The following CFAP20DC variants were observed in gnomAD, a reference collection of about 807,000 sequenced individuals.
The protein encoded by CFAP20DC is CFAP20 domain containing, also known as protein CFAP20DC.
Under a neutral mutation model 101.7 loss-of-function variants are expected in CFAP20DC, and 84 were observed. The observed-to-expected ratio is 0.83, with a 90% CI of 0.69 to 0.99. CFAP20DC has a LOEUF of 0.99. CFAP20DC is among the 50% of genes least tolerant of loss of function. CFAP20DC has a pLI of 0.00. For missense variants in CFAP20DC, 1,007 were observed against 970.3 expected (o/e 1.04, Z -0.50); for synonymous variants, 359 against 351.2 (o/e 1.02, Z -0.25).
rs1056250756 is a variant in CFAP20DC, at chr3:58,897,853, G to T, written c.551-13144C>A. Among the ~76,000 whole-genome samples the T allele has an allele frequency of 6.6e-6, 1 of 152,090 alleles. No individual in the cohort carries two copies. Among genetic ancestry groups the T allele is most frequent in the Non-Finnish European group, 1.5e-5 (1 of 68,022 alleles). Reference sequence around the variant, plus strand: ...ACCTTGGAGAATCTGACGATTATGTGCCTTGGCATTGATCGTCTCATGGAG... The same window carrying T: ...ACCTTGGAGAATCTGACGATTATGTTCCTTGGCATTGATCGTCTCATGGAG... On this transcript the variant is annotated intron_variant, in intron 6 of 16. Coordinates refer to ENST00000482387, the MANE Select transcript of CFAP20DC (RefSeq NM_001394063.1). This position sits in a 1 kb window ranked among gnomAD's most constrained non-coding sequence, Gnocchi z 4.4.
In CFAP20DC at chr3:58,748,543, C is replaced by A. The variant is rs1198328391; in HGVS notation, c.2332+5226G>T. Among the ~76,000 whole-genome samples the A allele has an allele frequency of 2.0e-5, 3 of 152,164 alleles. No individual in the cohort carries two copies. The East Asian group carries it at 5.8e-4, about 29-fold the overall frequency. On this transcript the variant is annotated intron_variant, in intron 16 of 16. Coordinates refer to ENST00000482387, the MANE Select transcript of CFAP20DC (RefSeq NM_001394063.1). ...CCTGCAGAGAAGACTCCCCCAGGACCCTGAGAGCTATGTAAGAGAAAATAT... is the reference window on the plus strand; with the variant it reads ...CCTGCAGAGAAGACTCCCCCAGGACACTGAGAGCTATGTAAGAGAAAATAT...
intron 14 of CFAP20DC, 103 bp from the exon 15 acceptor site, chr3:58,806,559 C>G (rs1404239215): frequency 2.3e-6 from 2 of 872,216 alleles, no homozygotes; most frequent in African/African-American, 3.3e-5. Flanking sequence ...CAGACACAAC[C>G]CACAAGAAGG....
At chr3:58,865,003 A>C (rs2079558329) in intron 11 of CFAP20DC, among the ~76,000 whole-genome samples, 1 of 152,144 alleles carries the variant, frequency 6.6e-6, no homozygotes, top group Non-Finnish European at 1.5e-5. Context: ...TGAAAAAGAC[A>C]GATCTTTATA....
intron 6 of CFAP20DC, among the ~76,000 whole-genome samples, chr3:58,896,510 G>A (rs2082679422): frequency 6.6e-6 from 1 of 152,050 alleles, no homozygotes; most frequent in South Asian, 2.1e-4. Context: ...GCTTTTTGAT[G>A]TGGGCATTTA....
intron 14 of CFAP20DC, among the ~76,000 whole-genome samples, chr3:58,821,488 A>G (rs1024456287): frequency 5.3e-5 from 8 of 152,122 alleles, no homozygotes; most frequent in African/African-American, 1.9e-4. Flanking sequence ...GGCAAAGGAC[A>G]TGAACAGACA....
chr3:58,766,618 A>C (rs977207733), intron 15 of CFAP20DC, among the ~76,000 whole-genome samples: 1 of 152,202 alleles, frequency 6.6e-6, no homozygotes, highest in African/African-American at 2.4e-5. Flanking sequence ...CATCATCCTC[A>C]GGAGAAAGAC....
At chr3:58,741,732 G>A (rs904995423), downstream of CFAP20DC, among the ~76,000 whole-genome samples, 1 of 152,040 alleles carries the variant, frequency 6.6e-6, no homozygotes. Flanking sequence ...TCCTGACCTC[G>A]TGATTCACCC....
chr3:58,971,985 C>A lies in CFAP20DC; in HGVS notation c.279-34223G>T, dbSNP rs1008075883. 6.6e-6 allele frequency among the ~76,000 whole-genome samples: 1 copy of A among 151,922 alleles called. No homozygotes were observed. The highest frequency in any genetic ancestry group is 1.5e-5 in the Non-Finnish European group (1 of 67,986). On this transcript the variant is annotated intron_variant, in intron 4 of 16. Transcript: ENST00000482387. This position sits in a 1 kb window ranked among gnomAD's most constrained non-coding sequence, Gnocchi z 4.1. ...ACTTTCTTATTATAGGTGTGGATTACTTTAATTCTGTATGCAATTTTAAAA... is the reference window on the plus strand; with the variant it reads ...ACTTTCTTATTATAGGTGTGGATTAATTTAATTCTGTATGCAATTTTAAAA...
intron 13 of CFAP20DC, 68 bp downstream of exon 13, chr3:58,848,963 TG>T: frequency 6.9e-7 from 1 of 1,452,152 alleles, no homozygotes; most frequent in Non-Finnish European, 9.0e-7. Context: ...GCTAAAAACA[TG>T]GGTGGAACAG....
intron 3 of CFAP20DC, among the ~76,000 whole-genome samples, chr3:58,719,606 G>A (rs913697441): frequency 2.0e-5 from 3 of 152,162 alleles, no homozygotes; most frequent in African/African-American, 7.2e-5. Context: ...GTCTCACCTG[G>A]TTGGGGCTGG....
chr3:59,046,188 A>G, intron 3 of CFAP20DC, 41 bp downstream of exon 3: 1 of 1,313,978 alleles, frequency 7.6e-7, no homozygotes, highest in Non-Finnish European at 1.1e-6. Context: ...CAGAACTTTG[A>G]GTACAAAATG....
chr3:59,017,011 G>A (rs1327174809), intron 4 of CFAP20DC, among the ~76,000 whole-genome samples: 1 of 152,068 alleles, frequency 6.6e-6, no homozygotes, highest in Non-Finnish European at 1.5e-5. Context: ...TTACAATTAT[G>A]CCCTCAGCTG....
intron 4 of CFAP20DC, among the ~76,000 whole-genome samples, chr3:58,958,525 T>G (rs1050905876): frequency 1.1e-4 from 16 of 152,184 alleles, no homozygotes; most frequent in Admixed American, 1.0e-3. Flanking sequence ...ACGTTTTCAC[T>G]GTTCATAGGT....
chr3:58,882,598 C>T lies in CFAP20DC; in HGVS notation c.715+1947G>A, dbSNP rs2081306399. 6.6e-6 allele frequency among the ~76,000 whole-genome samples: 1 copy of T among 152,048 alleles called. No homozygotes were observed. The highest frequency in any genetic ancestry group is 1.5e-5 in the Non-Finnish European group (1 of 68,010). On this transcript the variant is annotated intron_variant, in intron 7 of 16. Coordinates refer to ENST00000482387, the MANE Select transcript of CFAP20DC (RefSeq NM_001394063.1). The surrounding 1 kb of genome is among the most constrained non-coding windows in gnomAD (Gnocchi z 4.2). ...TTATTTTATTCTGTGGTACATCTTC[C>T]ATTCAGATTGAATTGTGACCCAAAG... is the stretch of plus-strand genomic sequence containing the variant.
chr3:58,928,146 T>A (rs1039551096), intron 5 of CFAP20DC, among the ~76,000 whole-genome samples: 1 of 152,188 alleles, frequency 6.6e-6, no homozygotes, highest in Non-Finnish European at 1.5e-5. Flanking sequence ...CATGCACTAA[T>A]AGGGACTGGA....
chr3:58,863,012 A>G lies in CFAP20DC; in HGVS notation c.1593+546T>C. 4.1e-6 allele frequency: 4 copies of G among 984,424 alleles called. No homozygotes were observed. Among genetic ancestry groups the G allele is most frequent in the Non-Finnish European group, 4.8e-6 (4 of 828,834 alleles). The allele number at this position is 984,424 out of a possible 1,614,324, so 61.0% of individuals were successfully genotyped here. A position where few individuals can be genotyped will look rare whatever the true frequency, so the allele number is the denominator to read the frequency against. ...ATATTCTAAATAATTGCAAACAGAA[A>G]ATCTCCTGTAAGGCAAGTCCCAGCA... On this transcript the variant is annotated intron_variant, in intron 12 of 16. Coordinates refer to ENST00000482387, the MANE Select transcript of CFAP20DC (RefSeq NM_001394063.1). This position sits in a 1 kb window ranked among gnomAD's most constrained non-coding sequence, Gnocchi z 5.9.
intron 14 of CFAP20DC, among the ~76,000 whole-genome samples, chr3:58,806,993 C>A (rs1489554833): frequency 6.6e-6 from 1 of 152,160 alleles, no homozygotes; most frequent in East Asian, 1.9e-4. Flanking sequence ...GATCAAACTG[C>A]AAGGCGGCAG....
In CFAP20DC at chr3:58,886,907, A is replaced by C. The variant is rs140569557; in HGVS notation, c.551-2198T>G. On this transcript the variant is annotated intron_variant, in intron 6 of 16. Transcript: ENST00000482387. ...GAATGTAGTGGGAAATTTTGTGTGT[A>C]TATATGTGACTGTATGTAGTCAGGA... is the stretch of plus-strand genomic sequence containing the variant. Among the ~76,000 whole-genome samples, 46 of 152,268 alleles carry C rather than the reference A, an allele frequency of 3.0e-4. No homozygotes were observed. In the East Asian group the frequency reaches 8.3e-3, roughly 27 times the overall value.
intron 4 of CFAP20DC, among the ~76,000 whole-genome samples, chr3:59,020,288 C>T (rs568300903): frequency 2.6e-5 from 4 of 151,842 alleles, no homozygotes; most frequent in African/African-American, 9.7e-5. Context: ...GATCCTGATC[C>T]CAAAGAGTTG....
Sources: gnomAD v4.1 joint callset for allele counts (sites outside exome capture counted in the v4.1 genomes callset) on GRCh38, gnomAD v4.1.1 for gene constraint, Gnocchi (gnomAD v3.1) non-coding constraint, MANE v1.5 for transcripts, NCBI Gene and HGNC (gene_info 2026-07-23, HGNC 2026-07-21) for gene names.